Variants in MED13L observed in about 807,000 individuals in gnomAD.
MED13L encodes the protein mediator complex subunit 13L.
A neutral mutation model predicts 220.9 loss-of-function variants in MED13L; 7 were observed. The observed-to-expected ratio is 0.03, with a 90% CI of 0.02 to 0.06. The LOEUF is 0.06. Among genes scored for constraint, MED13L ranks in the 10% least tolerant of loss-of-function variants. The pLI, the probability that MED13L is intolerant of heterozygous loss-of-function variation, is 1.00. For synonymous variants in MED13L, 1,011 were observed against 1,015.2 expected, an observed-to-expected ratio of 1.00 and a Z score of 0.08; for missense variants, 1,965 against 2,760.5, an observed-to-expected ratio of 0.71 and a Z score of 6.46.
chr12:116,062,014 A>G (rs1363041950), intron 4 of MED13L, among the ~76,000 whole-genome samples: 2 of 151,688 alleles, frequency 1.3e-5, no homozygotes, highest in Non-Finnish European at 2.9e-5. Context: ...CATCGAAAAA[A>G]AAAAAAAAAA....
chr12:116,051,661 G>C (rs1292573975), intron 4 of MED13L, among the ~76,000 whole-genome samples: 37 of 152,132 alleles, frequency 2.4e-4, no homozygotes, highest in Admixed American at 2.4e-3. Context: ...AATTCATTTA[G>C]GTACATTTAT....
chr12:116,120,440 TTCTCTCTCTC>T (rs67306353), intron 2 of MED13L, among the ~76,000 whole-genome samples: 1,478 of 98,256 alleles, frequency 0.015, 20 homozygotes, highest in East Asian at 0.062. Flanking sequence ...TAATCTCTCT[TTCTCTCTCTC>T]TCTCTCTCTC....
chr12:116,058,629 T>C (rs545540983), intron 4 of MED13L, among the ~76,000 whole-genome samples: 4 of 152,300 alleles, frequency 2.6e-5, no homozygotes, highest in South Asian at 4.1e-4. Context: ...AAAGATGCAA[T>C]AAGAGACCTT....
chr12:116,246,659 A>T (rs560908776), intron 1 of MED13L, among the ~76,000 whole-genome samples: 6 of 145,514 alleles, frequency 4.1e-5, no homozygotes, highest in African/African-American at 1.3e-4. Context: ...AGACTGACAG[A>T]CACAGCTGAA....
intron 4 of MED13L, among the ~76,000 whole-genome samples, chr12:116,038,144 T>C (rs559896629): frequency 6.6e-6 from 1 of 152,274 alleles, no homozygotes; most frequent in East Asian, 1.9e-4. Context: ...AGTATTTTTA[T>C]TGCTTACTTT....
chr12:115,980,497 G>A (rs879500680), intron 23 of MED13L: 11 of 510,474 alleles, frequency 2.2e-5, no homozygotes, highest in Non-Finnish European at 3.5e-5. Flanking sequence ...ATTTTTAAAA[G>A]AAAATTTGTA....
chr12:116,275,233 T>C (rs1873713682), intron 1 of MED13L, among the ~76,000 whole-genome samples: 1 of 152,036 alleles, frequency 6.6e-6, no homozygotes, highest in South Asian at 2.1e-4. Flanking sequence ...TCTATGGAAG[T>C]CCCTGAACCT....
chr12:116,048,359 T>C (rs532300723), intron 4 of MED13L, among the ~76,000 whole-genome samples: 28 of 152,210 alleles, frequency 1.8e-4, no homozygotes, highest in African/African-American at 5.8e-4. Context: ...AAAAAGAGAC[T>C]GCACCTATCA....
intron 1 of MED13L, among the ~76,000 whole-genome samples, chr12:116,245,596 C>T (rs536379052): frequency 6.6e-6 from 1 of 152,066 alleles, no homozygotes; most frequent in South Asian, 2.1e-4. Flanking sequence ...AATGGTGCAA[C>T]CATTTAAAAA....
chr12:116,276,604 A>T (rs747621382), intron 1 of MED13L: 38 of 1,200,970 alleles, frequency 3.2e-5, no homozygotes, highest in Non-Finnish European at 3.7e-5. Flanking sequence ...TATGGAATTT[A>T]AAAAAATTCA....
intron 2 of MED13L, among the ~76,000 whole-genome samples, chr12:116,127,233 T>G (rs1383935779): frequency 1.3e-5 from 2 of 152,198 alleles, no homozygotes; most frequent in African/African-American, 4.8e-5. Flanking sequence ...CTATATTAGA[T>G]CTGTTATATA....
Position 116,015,231 on chromosome 12 carries a change from G to C in MED13L, c.1053C>G (p.Ser351=). Residue 351 remains serine (S), a synonymous_variant, in exon 8 of 31, where the codon TCC becomes TCG. Coordinates refer to ENST00000281928, the MANE Select transcript of MED13L (RefSeq NM_015335.5). ...GCATCGTTATCATCCCTCCATCTTG[G>C]GAAACCAGGTGACTGGCAGCACTCT... ...GMQSAASHLV[S]QDGGMITMHS... is the part of the protein sequence containing the mutation. 6.2e-7 allele frequency: 1 copy of C among 1,613,752 alleles called. No homozygotes were observed. The highest frequency in any genetic ancestry group is 1.3e-5 in the African/African-American group (1 of 74,952).
chr12:116,209,293 T>C (rs1459054478), intron 2 of MED13L, among the ~76,000 whole-genome samples: 3 of 152,160 alleles, frequency 2.0e-5, no homozygotes, highest in African/African-American at 4.8e-5. Context: ...TAAGAAAAAC[T>C]ACAAACCAAG....
At chr12:116,161,945 T>C (rs1397200530) in intron 2 of MED13L, among the ~76,000 whole-genome samples, 2 of 152,030 alleles carry the variant, frequency 1.3e-5, no homozygotes, top group African/African-American at 4.8e-5. Flanking sequence ...AGTTCTTAGG[T>C]GACGGGGGCA....
intron 1 of MED13L, among the ~76,000 whole-genome samples, chr12:116,240,478 A>G (rs139316834): frequency 1.3e-5 from 2 of 152,256 alleles, no homozygotes; most frequent in East Asian, 3.9e-4. Context: ...AACATCAAAG[A>G]AGGAAACAAA....
chr12:115,964,185 C>T (rs1261347925), intron 29 of MED13L, among the ~76,000 whole-genome samples: 1 of 152,188 alleles, frequency 6.6e-6, no homozygotes, highest in Non-Finnish European at 1.5e-5. Flanking sequence ...AGATGTCTCA[C>T]ATAAGGACCT....
chr12:116,208,249 T>C (rs145638601), intron 2 of MED13L, among the ~76,000 whole-genome samples: 1,567 of 152,144 alleles, frequency 0.01, 28 homozygotes, highest in African/African-American at 0.035. Context: ...ACAAAAAAAT[T>C]AGCCAGGTAT....
At chr12:116,122,117 T>C (rs11616043) in intron 2 of MED13L, among the ~76,000 whole-genome samples, 22,929 of 152,126 alleles carry the variant, frequency 0.15, 1,921 homozygotes, top group South Asian at 0.21. Flanking sequence ...AAAAATCTTC[T>C]GAATTATTAA....
At chr12:116,265,115 C>G (rs1036780956) in intron 1 of MED13L, among the ~76,000 whole-genome samples, 2 of 152,220 alleles carry the variant, frequency 1.3e-5, no homozygotes, top group Non-Finnish European at 2.9e-5. Flanking sequence ...AACTACCAAG[C>G]TGCCCAAATA....
Sources: allele counts gnomAD v4.1 joint callset (sites outside exome capture counted in the v4.1 genomes callset), GRCh38; gene constraint gnomAD v4.1.1; transcripts MANE v1.5; gene names NCBI Gene and HGNC (gene_info 2026-07-23, HGNC 2026-07-21).